Variants in TRPC4AP observed in about 807,000 individuals in gnomAD.
TRPC4AP encodes transient receptor potential cation channel subfamily C member 4 associated protein, also known as short transient receptor potential channel 4-associated protein.
A neutral mutation model predicts 99.0 loss-of-function variants in TRPC4AP; 45 were observed. The observed-to-expected ratio is 0.45, with a 90% confidence interval of 0.36 to 0.58. TRPC4AP has a LOEUF of 0.58. Among genes scored for constraint, TRPC4AP ranks in the 20% least tolerant of loss-of-function variants. The pLI is 0.00. For synonymous variants in TRPC4AP, 408 were observed against 385.8 expected, an observed-to-expected ratio of 1.06 and a Z score of -0.67; for missense variants, 879 against 985.3, an observed-to-expected ratio of 0.89 and a Z score of 1.44.
rs942765936 is a variant in TRPC4AP, at chr20:35,092,584, C to T, written c.168+30G>A. 3.0e-5 allele frequency: 44 copies of T among 1,456,356 alleles called. No homozygotes were observed. The Middle Eastern group carries it at 9.8e-4, about 32-fold the overall frequency. 90.2% of individuals were successfully genotyped at this position (1,456,356 alleles called of 1,614,324 possible). ...CCGCCAGCTCCCGCCTGGTCCGCCC[C>T]GCCCCGCCCCTCCTGGTCCAGCCTC... On this transcript the variant is annotated intron_variant, in intron 1 of 18. Transcript: ENST00000252015.
intron 8 of TRPC4AP, among the ~76,000 whole-genome samples, chr20:35,023,072 T>C (rs2082933093): frequency 6.6e-6 from 1 of 151,588 alleles, no homozygotes; most frequent in South Asian, 2.1e-4. Context: ...TCCTACAGAC[T>C]TGGAACTATC....
intron 8 of TRPC4AP, among the ~76,000 whole-genome samples, chr20:35,031,390 CTTTTTTTTTTTTT>C (rs71299218): frequency 1.4e-5 from 1 of 73,658 alleles, no homozygotes; most frequent in Non-Finnish European, 2.5e-5. Flanking sequence ...CCCTGGTTAA[CTTTTTTTTTTTTT>C]TTTTTTTTTT....
intron 9 of TRPC4AP, 42 bp from the exon 10 acceptor site, chr20:35,016,181 T>C (rs777330068): frequency 6.2e-7 from 1 of 1,612,746 alleles, no homozygotes; most frequent in South Asian, 1.1e-5. Context: ...ACAAATGTGC[T>C]TGAAAAATCT....
At chr20:35,044,833 C>CA (rs1380149911) in intron 6 of TRPC4AP, 121 bp from the exon 7 acceptor site, 1 of 888,516 alleles carries the variant, frequency 1.1e-6, no homozygotes, top group African/African-American at 1.7e-5. Flanking sequence ...GTTCCTATCC[C>CA]AGCTCTGTAA....
chr20:35,044,520 C>G lies in TRPC4AP; in HGVS notation c.850G>C (p.Ala284Pro), dbSNP rs532599217. The change falls in exon 7 of 19, where the codon GCT (alanine) becomes CCT (proline). Residue 284 changes from alanine to proline, a missense_variant. Physicochemically the swap from Ala to Pro is conservative, Grantham distance 27. Around this residue, in one of 3 missense-constraint regions of TRPC4AP, gnomAD observed 603 missense variants for 631.8 expected, o/e 0.95. Coordinates refer to ENST00000252015, the MANE Select transcript of TRPC4AP (RefSeq NM_015638.3). ...GAGACTTTACCTTGATTGATTTCAGCTGCAGAAGGCCCCAAACTCAAGCTC... is the reference window on the plus strand; with the variant it reads ...GAGACTTTACCTTGATTGATTTCAGGTGCAGAAGGCCCCAAACTCAAGCTC... ...KKSLSLGPSA[A>P]EINQAALLSI... The G allele has an allele frequency of 6.8e-6, 11 of 1,613,994 alleles. No homozygotes were observed. The East Asian group carries it at 2.5e-4, about 36-fold the overall frequency.
Position 35,092,596 on chromosome 20 carries a change from CCTGGTCCAG to C in TRPC4AP, c.168+9_168+17del. On this transcript the variant is annotated intron_variant, in intron 1 of 18. Transcript: ENST00000252015. ...GCCTGGTCCGCCCCGCCCCGCCCCT[CCTGGTCCAG>C]CCTCGTACCTGCACCGCCCGGACCA... The C allele has an allele frequency of 1.4e-6, 2 of 1,477,424 alleles. No homozygotes were observed. The highest frequency in any genetic ancestry group is 1.3e-5 in the South Asian group (1 of 77,972). The allele number at this position is 1,477,424 out of a possible 1,614,324, so 91.5% of individuals were successfully genotyped here.
chr20:35,062,289 T>C (rs1318337010), intron 3 of TRPC4AP, among the ~76,000 whole-genome samples: 2 of 152,208 alleles, frequency 1.3e-5, no homozygotes, highest in African/African-American at 4.8e-5. Context: ...CTTCTAGGTA[T>C]ATACCAAGGG....
At chr20:35,050,741 C>A (rs1468994638) in intron 5 of TRPC4AP, among the ~76,000 whole-genome samples, 2 of 150,274 alleles carry the variant, frequency 1.3e-5, no homozygotes, top group Non-Finnish European at 3.0e-5. Context: ...AAAAAACCAA[C>A]AACAACAAAA....
chr20:35,068,946 TACAC>T (rs71196783), intron 3 of TRPC4AP, among the ~76,000 whole-genome samples: 31 of 113,110 alleles, frequency 2.7e-4, no homozygotes, highest in Non-Finnish European at 3.8e-4. Context: ...GGGGAATATT[TACAC>T]ACACACACAC....
At chr20:35,053,096 G>A (rs2083742970) in intron 5 of TRPC4AP, among the ~76,000 whole-genome samples, 1 of 151,968 alleles carries the variant, frequency 6.6e-6, no homozygotes, top group South Asian at 2.1e-4. Context: ...TAATTTCAGG[G>A]AGCATATAAT....
intron 1 of TRPC4AP, among the ~76,000 whole-genome samples, chr20:35,080,013 T>TAAA (rs71196785): frequency 0.04 from 3,733 of 93,784 alleles, 286 homozygotes; most frequent in African/African-American, 0.15. Flanking sequence ...CAGAGCAAGA[T>TAAA]AAAAAAAAAA....
chr20:35,058,311 A>G (rs982711957), intron 3 of TRPC4AP, among the ~76,000 whole-genome samples: 1 of 152,242 alleles, frequency 6.6e-6, no homozygotes, highest in Non-Finnish European at 1.5e-5. Flanking sequence ...ATATATTCTA[A>G]CAGACATCTA....
intron 1 of TRPC4AP, among the ~76,000 whole-genome samples, chr20:35,091,567 C>T (rs2085067628): frequency 6.6e-6 from 1 of 151,986 alleles, no homozygotes; most frequent in Admixed American, 6.6e-5. Context: ...ATCCTTCAAA[C>T]TTTTTATGAA....
At chr20:35,084,488 GTATATATC>G (rs972424047) in intron 1 of TRPC4AP, among the ~76,000 whole-genome samples, 1 of 117,404 alleles carries the variant, frequency 8.5e-6, no homozygotes, top group Non-Finnish European at 1.9e-5. Flanking sequence ...GTGTATATAT[GTATATATC>G]TATATATGTA....
intron 1 of TRPC4AP, among the ~76,000 whole-genome samples, chr20:35,091,376 G>A (rs573390155): frequency 6.6e-6 from 1 of 152,252 alleles, no homozygotes; most frequent in East Asian, 1.9e-4. Context: ...TTCGTCCACA[G>A]TCCTCCATAC....
Position 35,059,936 on chromosome 20 carries a change from G to A in TRPC4AP, c.415-2365C>T, listed in dbSNP as rs1384321298. Reference sequence around the variant, plus strand: ...CGAAGAAGACAAAGACGAAGAAGACGAAGAAGAAGAAAAAACAGAACATCT... The same window carrying A: ...CGAAGAAGACAAAGACGAAGAAGACAAAGAAGAAGAAAAAACAGAACATCT... On this transcript the variant is annotated intron_variant, in intron 3 of 18. Transcript: ENST00000252015. Among the ~76,000 whole-genome samples, 5 of 111,826 alleles carry A rather than the reference G, an allele frequency of 4.5e-5. 1 individual carries two copies. The South Asian group carries it at 8.4e-4, about 19-fold the overall frequency. 73.4% of individuals were successfully genotyped at this position (111,826 alleles called of 152,430 possible). A position where few individuals can be genotyped will look rare whatever the true frequency, so the allele number is the denominator to read the frequency against.
chr20:35,046,577 G>A (rs1466429545), intron 6 of TRPC4AP, among the ~76,000 whole-genome samples: 2 of 152,178 alleles, frequency 1.3e-5, no homozygotes, highest in African/African-American at 4.8e-5. Flanking sequence ...AAGGGTATCA[G>A]TGAATGTGCC....
chr20:35,075,431 G>A (rs2084449499), intron 2 of TRPC4AP, among the ~76,000 whole-genome samples: 2 of 152,128 alleles, frequency 1.3e-5, no homozygotes, highest in South Asian at 4.1e-4. Context: ...CTTCCTTCAG[G>A]AGCTCTTGTA....
chr20:35,041,618 G>C (rs2083447923), intron 7 of TRPC4AP, among the ~76,000 whole-genome samples: 2 of 152,198 alleles, frequency 1.3e-5, no homozygotes, highest in East Asian at 1.9e-4. Flanking sequence ...CAGCTGACCA[G>C]AACAGTTCAT....
Sources: gnomAD v4.1 joint callset for allele counts (sites outside exome capture counted in the v4.1 genomes callset) on GRCh38, gnomAD v4.1.1 for gene constraint, gnomAD v4.1.1 regional missense constraint, MANE v1.5 for transcripts, NCBI Gene and HGNC (gene_info 2026-07-23, HGNC 2026-07-21) for gene names.